Variants in KIRREL3 observed in about 807,000 individuals in gnomAD.
KIRREL3 encodes kin of IRRE-like protein 3.
Under a neutral mutation model 89.7 loss-of-function variants are expected in KIRREL3, and 36 were observed. The ratio of observed to expected loss-of-function variants is 0.40; its 90% CI spans 0.31 to 0.53. The LOEUF is 0.53. KIRREL3 is among the 20% of genes least tolerant of loss of function. The pLI is 0.49. For missense variants in KIRREL3, 864 were observed against 1,056.6 expected (o/e 0.82, Z 2.53); for synonymous variants, 445 against 441.4 (o/e 1.01, Z -0.10).
In KIRREL3 at chr11:126,513,406, C is replaced by T. The variant is rs1313858003; in HGVS notation, c.433+7909G>A. Among the ~76,000 whole-genome samples the T allele has an allele frequency of 1.3e-5, 2 of 152,242 alleles. No individual in the cohort carries two copies. Among genetic ancestry groups the T allele is most frequent in the African/African-American group, 2.4e-5 (1 of 41,544 alleles). ...CTGGCTGGGGTAGGGTGGGGCTGTG[C>T]ATTCCTTGCATCAGGTCTTCTCCTT... On this transcript the variant is annotated intron_variant, in intron 4 of 16. Transcript: ENST00000525144. This position sits in a 1 kb window ranked among gnomAD's most constrained non-coding sequence, Gnocchi z 5.9.
intron 5 of KIRREL3, among the ~76,000 whole-genome samples, chr11:126,465,402 C>T (rs1956688765): frequency 6.6e-6 from 1 of 152,194 alleles, no homozygotes. Flanking sequence ...GAGCCACAGC[C>T]TCTGCTGCAG....
rs1003953325 is a variant in KIRREL3, at chr11:126,877,683, T to C, written c.55+122772A>G. ...CTAGCATAACTGGTGCATGTGCAAG[T>C]ATAATTTTGAACAGGGAGAGAACTT... On this transcript the variant is annotated intron_variant, in intron 1 of 16. Coordinates refer to ENST00000525144, the MANE Select transcript of KIRREL3 (RefSeq NM_032531.4). This position sits in a 1 kb window ranked among gnomAD's most constrained non-coding sequence, Gnocchi z 4.9. Among the ~76,000 whole-genome samples the C allele has an allele frequency of 6.6e-6, 1 of 152,206 alleles. No individual in the cohort carries two copies. Among genetic ancestry groups the C allele is most frequent in the Non-Finnish European group, 1.5e-5 (1 of 68,040 alleles).
Position 126,744,402 on chromosome 11 carries a change from A to G in KIRREL3, c.56-181490T>C, listed in dbSNP as rs1255109217. Among the ~76,000 whole-genome samples, 1 of 152,228 alleles carries G rather than the reference A, an allele frequency of 6.6e-6. No individual in the cohort carries two copies. Among genetic ancestry groups the G allele is most frequent in the East Asian group, 1.9e-4 (1 of 5,200 alleles). On this transcript the variant is annotated intron_variant, in intron 1 of 16. Transcript: ENST00000525144. The surrounding 1 kb of genome is among the most constrained non-coding windows in gnomAD (Gnocchi z 4.7). ...TGGAGGCAGGGAGGTCAGGACTGCCATACTGTCCCAGACATGCAGAACAGG... is the reference window on the plus strand; with the variant it reads ...TGGAGGCAGGGAGGTCAGGACTGCCGTACTGTCCCAGACATGCAGAACAGG...
intron 1 of KIRREL3, among the ~76,000 whole-genome samples, chr11:126,878,933 A>G (rs7109913): frequency 0.14 from 20,982 of 152,174 alleles, 1,493 homozygotes; most frequent in Middle Eastern, 0.17. Context: ...AGACATCCCT[A>G]ACAGGGCTCA....
In KIRREL3 at chr11:126,568,858, G is replaced by A. The variant is rs1164856791; in HGVS notation, c.56-5946C>T. ...GTTTTTTTCTTTTTCAGATATGAAAGTGGAGATGCAGAGAGGTGGAGTGAG... is the reference window on the plus strand; with the variant it reads ...GTTTTTTTCTTTTTCAGATATGAAAATGGAGATGCAGAGAGGTGGAGTGAG... On this transcript the variant is annotated intron_variant, in intron 1 of 16. Coordinates refer to ENST00000525144, the MANE Select transcript of KIRREL3 (RefSeq NM_032531.4). This position sits in a 1 kb window ranked among gnomAD's most constrained non-coding sequence, Gnocchi z 4.6. 6.6e-6 allele frequency among the ~76,000 whole-genome samples: 1 copy of A among 151,904 alleles called. No individual in the cohort carries two copies. Among genetic ancestry groups the A allele is most frequent in the Admixed American group, 6.6e-5 (1 of 15,264 alleles).
In KIRREL3 at chr11:126,676,532, G is replaced by T. The variant is rs1230772272; in HGVS notation, c.56-113620C>A. Among the ~76,000 whole-genome samples the T allele has an allele frequency of 6.6e-6, 1 of 152,100 alleles. No homozygotes were observed. The highest frequency in any genetic ancestry group is 1.5e-5 in the Non-Finnish European group (1 of 68,016). ...GTATTGTTTTGTTTTGTTTGAGTTG[G>T]GGGGAGATGCTGCGAGTCCTTTAAA... On this transcript the variant is annotated intron_variant, in intron 1 of 16. Coordinates refer to ENST00000525144, the MANE Select transcript of KIRREL3 (RefSeq NM_032531.4). The surrounding 1 kb of genome is among the most constrained non-coding windows in gnomAD (Gnocchi z 4.5).
rs1054400514 is a variant in KIRREL3 at position 126,682,106 on chromosome 11, C to T, written c.56-119194G>A. 8.9e-6 allele frequency: 3 copies of T among 336,668 alleles called. No homozygotes were observed. Among genetic ancestry groups the T allele is most frequent in the Admixed American group, 3.9e-5 (1 of 25,376 alleles). 20.9% of individuals were successfully genotyped at this position (336,668 alleles called of 1,614,324 possible). On this transcript the variant is annotated intron_variant, in intron 1 of 16. Transcript: ENST00000525144. This position sits in a 1 kb window ranked among gnomAD's most constrained non-coding sequence, Gnocchi z 4.8. The stretch of plus-strand genomic sequence containing the variant: ...ATAAAATATTCCTCCCTCCTGTGAC[C>T]ACCGAAAAGGTCATATTTAGGACCT...
intron 1 of KIRREL3, among the ~76,000 whole-genome samples, chr11:126,952,536 G>C (rs916576609): frequency 6.6e-6 from 1 of 152,146 alleles, no homozygotes; most frequent in East Asian, 1.9e-4. Context: ...TAGGTTGTCT[G>C]TTCACTCTGA....
In KIRREL3 at chr11:126,601,750, C is replaced by T. The variant is rs1019939018; in HGVS notation, c.56-38838G>A. Among the ~76,000 whole-genome samples the T allele has an allele frequency of 6.6e-6, 1 of 152,120 alleles. No homozygotes were observed. Among genetic ancestry groups the T allele is most frequent in the Non-Finnish European group, 1.5e-5 (1 of 68,034 alleles). On this transcript the variant is annotated intron_variant, in intron 1 of 16. Coordinates refer to ENST00000525144, the MANE Select transcript of KIRREL3 (RefSeq NM_032531.4). The surrounding 1 kb of genome is among the most constrained non-coding windows in gnomAD (Gnocchi z 5.8). ...CCCACCCCGCCTACATTCCTGGACG[C>T]CTATTTGGAGTTTCATCCCCCTGAA...
chr11:126,770,548 G>C (rs1462994913), intron 1 of KIRREL3, among the ~76,000 whole-genome samples: 1 of 152,206 alleles, frequency 6.6e-6, no homozygotes, highest in Non-Finnish European at 1.5e-5. Context: ...TAAAACGGAA[G>C]GCGAAGCACA....
intron 1 of KIRREL3, among the ~76,000 whole-genome samples, chr11:126,701,967 A>C (rs1947329897): frequency 6.6e-6 from 1 of 152,158 alleles, no homozygotes. Flanking sequence ...CAAGTTACTT[A>C]AGATTTGTTA....
intron 1 of KIRREL3, among the ~76,000 whole-genome samples, chr11:126,785,828 T>G (rs1346088767): frequency 7.1e-6 from 1 of 140,990 alleles, no homozygotes; most frequent in African/African-American, 2.7e-5. Flanking sequence ...GAGCCGAGAT[T>G]GTGCCACTGC....
rs572975995 is a variant in KIRREL3 at position 126,917,146 on chromosome 11, C to T, written c.55+83309G>A. Among the ~76,000 whole-genome samples the T allele has an allele frequency of 1.1e-4, 16 of 152,244 alleles. No homozygotes were observed. Among genetic ancestry groups the T allele is most frequent in the African/African-American group, 3.9e-4 (16 of 41,532 alleles). On this transcript the variant is annotated intron_variant, in intron 1 of 16. Transcript: ENST00000525144. This position sits in a 1 kb window ranked among gnomAD's most constrained non-coding sequence, Gnocchi z 5.0. The stretch of plus-strand genomic sequence containing the variant: ...TAAAAAGGAATAACATTCTGATACA[C>T]AGTATGTTAAAGATTCACCTTGAAA...
At chr11:126,646,093 GC>G (rs1944655386) in intron 1 of KIRREL3, among the ~76,000 whole-genome samples, 3 of 152,060 alleles carry the variant, frequency 2.0e-5, no homozygotes, top group African/African-American at 7.2e-5. Context: ...ATGCTTTACA[GC>G]CGGCAGCTAA....
At chr11:126,741,281 A>G (rs1948974290) in intron 1 of KIRREL3, among the ~76,000 whole-genome samples, 1 of 152,182 alleles carries the variant, frequency 6.6e-6, no homozygotes, top group African/African-American at 2.4e-5. Flanking sequence ...TACCTGTGAT[A>G]TGGATATTAA....
chr11:126,704,898 G>A lies in KIRREL3; in HGVS notation c.56-141986C>T, dbSNP rs1158460030. Reference sequence around the variant, plus strand: ...ATTCTCCTCCTGCGACCATGCCATGGGATGAAAGCCTCTGCCCTGTATGTC... The same window carrying A: ...ATTCTCCTCCTGCGACCATGCCATGAGATGAAAGCCTCTGCCCTGTATGTC... On this transcript the variant is annotated intron_variant, in intron 1 of 16. Coordinates refer to ENST00000525144, the MANE Select transcript of KIRREL3 (RefSeq NM_032531.4). The surrounding 1 kb of genome is among the most constrained non-coding windows in gnomAD (Gnocchi z 4.2). Among the ~76,000 whole-genome samples, 1 of 152,156 alleles carries A rather than the reference G, an allele frequency of 6.6e-6. No individual in the cohort carries two copies. The highest frequency in any genetic ancestry group is 1.5e-5 in the Non-Finnish European group (1 of 68,034).
At chr11:126,716,657 T>G (rs893751022) in intron 1 of KIRREL3, among the ~76,000 whole-genome samples, 2 of 147,268 alleles carry the variant, frequency 1.4e-5, no homozygotes. Flanking sequence ...GCTATCACCC[T>G]GGAAGAAACA....
rs1239815450 is a variant in KIRREL3, at chr11:126,747,079, G to A, written c.56-184167C>T. Among the ~76,000 whole-genome samples, 1 of 152,214 alleles carries A rather than the reference G, an allele frequency of 6.6e-6. No individual in the cohort carries two copies. Among genetic ancestry groups the A allele is most frequent in the African/African-American group, 2.4e-5 (1 of 41,452 alleles). On this transcript the variant is annotated intron_variant, in intron 1 of 16. Transcript: ENST00000525144. This position sits in a 1 kb window ranked among gnomAD's most constrained non-coding sequence, Gnocchi z 4.7. The stretch of plus-strand genomic sequence containing the variant: ...CAGTGGTTCTGAACATCTTCACAAG[G>A]CATTGAAGACCTTTCCTAAAATGAC...
At chr11:126,536,202 G>A (rs1479738957) in intron 2 of KIRREL3, among the ~76,000 whole-genome samples, 1 of 152,172 alleles carries the variant, frequency 6.6e-6, no homozygotes, top group Non-Finnish European at 1.5e-5. Flanking sequence ...GGGGAACTTT[G>A]GAAGGAACAG....
Sources: gnomAD v4.1 joint callset for allele counts (sites outside exome capture counted in the v4.1 genomes callset) on GRCh38, gnomAD v4.1.1 for gene constraint, Gnocchi (gnomAD v3.1) non-coding constraint, MANE v1.5 for transcripts, NCBI Gene and HGNC (gene_info 2026-07-23, HGNC 2026-07-21) for gene names.